The following GUCY2C variants were observed in gnomAD, a reference collection of about 807,000 sequenced individuals.
GUCY2C encodes guanylyl cyclase C.
Under a neutral mutation model 131.1 loss-of-function variants are expected in GUCY2C, and 118 were observed. The observed-to-expected ratio is 0.90, with a 90% CI of 0.78 to 1.05. The LOEUF (loss-of-function observed/expected upper bound fraction) is 1.05. Among genes scored for constraint, GUCY2C ranks in the 50% least tolerant of loss-of-function variants. The pLI is 0.00. For missense variants in GUCY2C, 1,161 were observed against 1,304.4 expected, an observed-to-expected ratio of 0.89 and a Z score of 1.69; for synonymous variants, 452 against 457.8, an observed-to-expected ratio of 0.99 and a Z score of 0.16.
rs1565629780 is a variant in GUCY2C, at chr12:14,672,975, GTA to G, written c.1085-19_1085-18del. ...CGTCATACCCTAGGGCAAGATCAGA[GTA>G]TGTTAGAGGCCATTCTTGATTTTTG... On this transcript the variant is annotated intron_variant, in intron 8 of 26. Transcript: ENST00000261170. 1 of 1,443,314 alleles carries G rather than the reference GTA, an allele frequency of 6.9e-7. No individual in the cohort carries two copies. Among genetic ancestry groups the G allele is most frequent in the East Asian group, 2.3e-5 (1 of 44,080 alleles). 89.4% of individuals were successfully genotyped at this position (1,443,314 alleles called of 1,614,324 possible). A position where few individuals can be genotyped will look rare whatever the true frequency, so the allele number is the denominator to read the frequency against.
At chr12:14,642,680 G>C (rs931932946) in intron 17 of GUCY2C, among the ~76,000 whole-genome samples, 1 of 152,132 alleles carries the variant, frequency 6.6e-6, no homozygotes, top group African/African-American at 2.4e-5. Flanking sequence ...TGTTTAAGAT[G>C]ATAGGATTTG....
At position 14,613,173 on chromosome 12, in the gene GUCY2C, C is replaced by T. The variant is rs1565600858; in HGVS notation, c.3166G>A (p.Gly1056Ser). The T allele has an allele frequency of 6.2e-7, 1 of 1,613,518 alleles. No individual in the cohort carries two copies. The highest frequency in any genetic ancestry group is 2.2e-5 in the East Asian group (1 of 44,868). Residue 1056 changes from glycine (G) to serine (S), a missense_variant, in exon 27 of 27, where the codon GGC becomes AGC. Gly to Ser is a moderately conservative substitution (Grantham distance 56). Transcript: ENST00000261170. The surrounding 1 kb of genome is among the most constrained non-coding windows in gnomAD (Gnocchi z 4.9). ...KPRRVASYKKGTLEYLQLNTT... is the reference protein window; with the variant it reads ...KPRRVASYKKSTLEYLQLNTT... Reference sequence around the variant, plus strand: ...TTCAGCTGCAAGTATTCCAGAGTGCCTTTTTTATAGCTGGCTACCCGTCTG... The same window carrying T: ...TTCAGCTGCAAGTATTCCAGAGTGCTTTTTTTATAGCTGGCTACCCGTCTG...
intron 3 of GUCY2C, among the ~76,000 whole-genome samples, chr12:14,685,905 C>T (rs966526312): frequency 6.6e-6 from 1 of 152,126 alleles, no homozygotes; most frequent in Non-Finnish European, 1.5e-5. Flanking sequence ...TGCTTTCTCT[C>T]AAAACTCTGA....
intron 25 of GUCY2C, 40 bp from the exon 26 acceptor site, chr12:14,614,983 A>G (rs775940799): frequency 2.9e-5 from 32 of 1,090,688 alleles, no homozygotes; most frequent in Non-Finnish European, 3.8e-5. Context: ...GAGTCCAAGG[A>G]GTCAGTTCAG....
At chr12:14,660,919 C>A in intron 11 of GUCY2C, 62 bp downstream of exon 11, 1 of 1,038,232 alleles carries the variant, frequency 9.6e-7, no homozygotes, top group Non-Finnish European at 1.5e-6. Context: ...CAACAGACCT[C>A]TCCCACTTTC....
chr12:14,619,285 C>T lies in GUCY2C; in HGVS notation c.2801G>A (p.Gly934Glu), dbSNP rs764471582. The change falls in exon 24 of 27, where the codon GGA becomes GAA. Residue 934 changes from glycine to glutamate, a missense_variant. By Grantham distance (98) the Gly-to-Glu change is moderately conservative. Transcript: ENST00000261170. ...HSGPCAAGVV[G>E]IKMPRYCLFG... The stretch of plus-strand genomic sequence containing the variant: ...TAGACAATAACGAGGCATCTTGATT[C>T]CCACAACTCCAGCAGCACAGGGACC... 6.2e-7 allele frequency: 1 copy of T among 1,611,532 alleles called. No individual in the cohort carries two copies. The highest frequency in any genetic ancestry group is 1.3e-5 in the African/African-American group (1 of 74,818).
At chr12:14,621,015 A>C (rs1946884849) in intron 23 of GUCY2C, 27 bp downstream of exon 23, 1 of 1,599,898 alleles carries the variant, frequency 6.3e-7, no homozygotes, top group Non-Finnish European at 8.6e-7. Context: ...TATGGTTCCC[A>C]ATTTGCTAAG....
intron 19 of GUCY2C, among the ~76,000 whole-genome samples, chr12:14,629,725 C>T (rs1947101604): frequency 6.6e-6 from 1 of 152,156 alleles, no homozygotes; most frequent in African/African-American, 2.4e-5. Context: ...CCGTACTGTC[C>T]ATGGTTCTAA....
chr12:14,622,622 A>G (rs886918364), intron 21 of GUCY2C, among the ~76,000 whole-genome samples: 1 of 152,200 alleles, frequency 6.6e-6, no homozygotes, highest in Non-Finnish European at 1.5e-5. Context: ...TCAGATCTGA[A>G]TTTCTCAACA....
intron 2 of GUCY2C, among the ~76,000 whole-genome samples, chr12:14,687,000 G>T (rs1320259094): frequency 6.6e-6 from 1 of 152,142 alleles, no homozygotes; most frequent in Admixed American, 6.5e-5. Context: ...TTAAGGGGGT[G>T]CATTGCACAT....
In GUCY2C at chr12:14,625,942, CT is replaced by C. The variant is rs1446430501; in HGVS notation, c.2250-28del. ...TGTAGGTAGTAATAGATAAAGAGCT[CT>C]TATATATTATTAAGAAAACATGAAC... On this transcript the variant is annotated intron_variant, in intron 20 of 26. Coordinates refer to ENST00000261170, the MANE Select transcript of GUCY2C (RefSeq NM_004963.4). 4 of 1,362,430 alleles carry C rather than the reference CT, an allele frequency of 2.9e-6. No homozygotes were observed. The African/African-American group carries it at 5.8e-5, about 20-fold the overall frequency. The allele number at this position is 1,362,430 out of a possible 1,614,324, so 84.4% of individuals were successfully genotyped here.
intron 12 of GUCY2C, among the ~76,000 whole-genome samples, chr12:14,656,225 C>T (rs753098593): frequency 5.3e-5 from 8 of 152,128 alleles, no homozygotes; most frequent in African/African-American, 7.2e-5. Context: ...TTCCTACATC[C>T]CTTCCATGGC....
intron 17 of GUCY2C, 57 bp from the exon 18 acceptor site, chr12:14,641,276 T>C (rs1190985712): frequency 3.2e-6 from 5 of 1,541,088 alleles, no homozygotes; most frequent in African/African-American, 2.7e-5. Context: ...TTCATAGGCC[T>C]CCAACCTGCT....
chr12:14,696,372 A>T lies in GUCY2C; in HGVS notation c.77T>A (p.Val26Glu), dbSNP rs1406232851. Reference protein sequence around the residue: ...QPGWLSFSSQVSQNCHNGSYE... With the variant: ...QPGWLSFSSQESQNCHNGSYE... ...GCTGCCATTGTGGCAGTTCTGACTC[A>T]CCTGGGAACTAAAGGACAGCCACCC... The change falls in exon 1 of 27, where the codon GTG becomes GAG. Residue 26 changes from valine to glutamate, a missense_variant. By Grantham distance (121) the Val-to-Glu change is moderately radical. Coordinates refer to ENST00000261170, the MANE Select transcript of GUCY2C (RefSeq NM_004963.4). The T allele has an allele frequency of 7.4e-6, 12 of 1,613,918 alleles. No homozygotes were observed. Among genetic ancestry groups the T allele is most frequent in the African/African-American group, 1.3e-5 (1 of 74,866 alleles).
intron 3 of GUCY2C, among the ~76,000 whole-genome samples, chr12:14,684,251 A>G (rs1417638750): frequency 2.6e-5 from 4 of 152,064 alleles, no homozygotes; most frequent in Admixed American, 2.0e-4. Flanking sequence ...TCTTATCTCT[A>G]TTATTCCCCT....
intron 10 of GUCY2C, among the ~76,000 whole-genome samples, chr12:14,662,652 G>T (rs1468399082): frequency 6.7e-6 from 1 of 148,494 alleles, no homozygotes; most frequent in Admixed American, 6.7e-5. Flanking sequence ...CTCCAGCCTG[G>T]GCGACACAAT....
chr12:14,692,718 G>A (rs1948596339), intron 1 of GUCY2C, among the ~76,000 whole-genome samples: 1 of 152,134 alleles, frequency 6.6e-6, no homozygotes, highest in African/African-American at 2.4e-5. Context: ...ATGTGGTGAT[G>A]CATACCTGTA....
intron 15 of GUCY2C, among the ~76,000 whole-genome samples, chr12:14,646,809 G>C (rs982178757): frequency 2.0e-5 from 3 of 152,066 alleles, no homozygotes; most frequent in African/African-American, 7.2e-5. Flanking sequence ...TCTAGAGCAG[G>C]GACTGTGTTA....
At chr12:14,652,862 G>T (rs1457447638) in intron 13 of GUCY2C, 90 bp downstream of exon 13, 9 of 855,040 alleles carry the variant, frequency 1.1e-5, no homozygotes, top group African/African-American at 1.7e-5. Context: ...TCCCACCATT[G>T]TGATACTGAC....
Sources: gnomAD v4.1 joint callset for allele counts (sites outside exome capture counted in the v4.1 genomes callset) on GRCh38, gnomAD v4.1.1 for gene constraint, Gnocchi (gnomAD v3.1) non-coding constraint, MANE v1.5 for transcripts, NCBI Gene and HGNC (gene_info 2026-07-23, HGNC 2026-07-21) for gene names.